The following KIF16B variants were observed in gnomAD, a reference collection of about 807,000 sequenced individuals.
KIF16B encodes kinesin family member 16B, also known as kinesin-like protein KIF16B.
A neutral mutation model predicts 156.3 loss-of-function variants in KIF16B; 98 were observed. The ratio of observed to expected loss-of-function variants is 0.63; its 90% CI spans 0.53 to 0.74. KIF16B has a LOEUF of 0.74. KIF16B is among the 30% of genes least tolerant of loss of function. The pLI is 0.00. For missense variants in KIF16B, 1,421 were observed against 1,606.5 expected (o/e 0.88, Z 1.97); for synonymous variants, 564 against 583.7 (o/e 0.97, Z 0.49).
intron 1 of KIF16B, among the ~76,000 whole-genome samples, chr20:16,540,239 A>G (rs2070141982): frequency 6.6e-6 from 1 of 152,218 alleles, no homozygotes; most frequent in South Asian, 2.1e-4. Flanking sequence ...CTAGATGCAC[A>G]AAACATTTCT....
At chr20:16,451,733 G>T (rs186526178) in intron 12 of KIF16B, among the ~76,000 whole-genome samples, 1 of 152,004 alleles carries the variant, frequency 6.6e-6, no homozygotes, top group Non-Finnish European at 1.5e-5. Flanking sequence ...TCCAATACAC[G>T]CTAAAGATTC....
chr20:16,306,541 C>T (rs148651375), intron 25 of KIF16B, among the ~76,000 whole-genome samples: 99 of 152,204 alleles, frequency 6.5e-4, no homozygotes, highest in African/African-American at 2.0e-3. Flanking sequence ...GCAAGAGTTC[C>T]GGTATCTTCC....
rs1025943325 is a variant in KIF16B at position 16,507,059 on chromosome 20, C to G, written c.700-869G>C. Among the ~76,000 whole-genome samples, 4 of 150,166 alleles carry G rather than the reference C, an allele frequency of 2.7e-5. No homozygotes were observed. In the East Asian group the frequency reaches 5.9e-4, roughly 22 times the overall value. On this transcript the variant is annotated intron_variant, in intron 7 of 25. Transcript: ENST00000354981. ...AGACTGCAGTGAGCCGTGATCACACCACTGCACTCCAGCCTGGGCAACAGA... is the reference window on the plus strand; with the variant it reads ...AGACTGCAGTGAGCCGTGATCACACGACTGCACTCCAGCCTGGGCAACAGA...
intron 15 of KIF16B, among the ~76,000 whole-genome samples, chr20:16,408,462 G>A (rs55808825): frequency 1.3e-5 from 2 of 152,112 alleles, no homozygotes; most frequent in Non-Finnish European, 2.9e-5. Flanking sequence ...AAGCAGCCAC[G>A]TCTAGGATGT....
At chr20:16,540,768 T>C (rs1437583768) in intron 1 of KIF16B, among the ~76,000 whole-genome samples, 2 of 152,192 alleles carry the variant, frequency 1.3e-5, no homozygotes, top group Non-Finnish European at 2.9e-5. Flanking sequence ...TCTTTTCCTC[T>C]TGTATTAGGT....
chr20:16,368,311 G>A (rs1034244637), intron 22 of KIF16B: 11 of 994,072 alleles, frequency 1.1e-5, no homozygotes, highest in South Asian at 9.1e-5. Flanking sequence ...GTAAGGCGCC[G>A]CACCCTCTGC....
chr20:16,377,412 AAAAT>A (rs377190523), intron 19 of KIF16B, among the ~76,000 whole-genome samples: 1 of 151,242 alleles, frequency 6.6e-6, no homozygotes, highest in African/African-American at 2.5e-5. Context: ...TAAAATACAT[AAAAT>A]AAATAAATAA....
intron 4 of KIF16B, among the ~76,000 whole-genome samples, chr20:16,514,237 A>C (rs1187996921): frequency 6.6e-6 from 1 of 152,104 alleles, no homozygotes; most frequent in African/African-American, 2.4e-5. Context: ...GAAAGGAGGA[A>C]GTGAGAAGTA....
Position 16,540,483 on chromosome 20 carries a change from C to T in KIF16B, c.48-12043G>A, listed in dbSNP as rs79578993. ...GCTCTAGAACAAGTCTACATCCTTA[C>T]GTGGCATGAAAGCAAAAGCTACTGA... is the stretch of plus-strand genomic sequence containing the variant. On this transcript the variant is annotated intron_variant, in intron 1 of 25. Transcript: ENST00000354981. 4.0e-3 allele frequency among the ~76,000 whole-genome samples: 609 copies of T among 152,306 alleles called. 9 individuals carry two copies. The East Asian group carries it at 0.062, about 16-fold the overall frequency.
intron 23 of KIF16B, among the ~76,000 whole-genome samples, chr20:16,354,685 C>T: frequency 6.6e-6 from 1 of 152,218 alleles, no homozygotes; most frequent in Non-Finnish European, 1.5e-5. Flanking sequence ...GTGGCTCATG[C>T]CTGTAATCCT....
intron 15 of KIF16B, among the ~76,000 whole-genome samples, chr20:16,407,615 T>A (rs1368241336): frequency 1.3e-5 from 2 of 152,074 alleles, no homozygotes; most frequent in Admixed American, 6.6e-5. Context: ...GAAAGGAGAA[T>A]GGCCTGCTAT....
rs2068952300 is a variant in KIF16B, at chr20:16,511,429, G to A, written c.545C>T (p.Pro182Leu). 2 of 1,588,856 alleles carry A rather than the reference G, an allele frequency of 1.3e-6. No homozygotes were observed. The highest frequency in any genetic ancestry group is 2.2e-5 in the East Asian group (1 of 44,708). The change falls in exon 6 of 26, where the codon CCT becomes CTT. Residue 182 changes from proline to leucine, a missense_variant. Physicochemically the swap from Pro to Leu is moderately conservative, Grantham distance 98. Coordinates refer to ENST00000354981, the MANE Select transcript of KIF16B (RefSeq NM_024704.5). ...LRVREHPKEGPYVEDLSKHLV... is the reference protein window; with the variant it reads ...LRVREHPKEGLYVEDLSKHLV... ...ATATCTACTCTTACCCTCAACATAAGGGCCTTCTTTGGGATGCTCACGGAC... is the reference window on the plus strand; with the variant it reads ...ATATCTACTCTTACCCTCAACATAAAGGCCTTCTTTGGGATGCTCACGGAC...
chr20:16,343,800 C>A (rs1164205936), intron 23 of KIF16B, among the ~76,000 whole-genome samples: 1 of 151,996 alleles, frequency 6.6e-6, no homozygotes, highest in Non-Finnish European at 1.5e-5. Context: ...GAGGAAGAGA[C>A]AAGATGCTCC....
intron 22 of KIF16B, among the ~76,000 whole-genome samples, chr20:16,365,593 TA>T (rs2064646407): frequency 6.6e-6 from 1 of 152,148 alleles, no homozygotes; most frequent in East Asian, 1.9e-4. Context: ...CAACACTAGG[TA>T]GAGGAAAATA....
chr20:16,452,250 C>A (rs1346413384), intron 12 of KIF16B, among the ~76,000 whole-genome samples: 1 of 152,112 alleles, frequency 6.6e-6, no homozygotes, highest in East Asian at 1.9e-4. Context: ...GCAAATTCAG[C>A]AGCAAAAGAA....
At chr20:16,403,150 C>T (rs920354471) in intron 17 of KIF16B, among the ~76,000 whole-genome samples, 1 of 152,168 alleles carries the variant, frequency 6.6e-6, no homozygotes, top group African/African-American at 2.4e-5. Context: ...TACCTGGATT[C>T]CAGGATTAAC....
intron 25 of KIF16B, among the ~76,000 whole-genome samples, 165 bp downstream of exon 25, chr20:16,312,170 A>G (rs2063628988): frequency 1.3e-5 from 2 of 152,236 alleles, no homozygotes; most frequent in South Asian, 4.1e-4. Context: ...ATTTTAAACA[A>G]GCTGATATCA....
rs74181913 is a variant in KIF16B at position 16,394,203 on chromosome 20, T to A, written c.1784+10610A>T. ...TATAAAATGGCTGAAGCAAAATGCA[T>A]CCCACCACTCAGACAATACAATCTG... On this transcript the variant is annotated intron_variant, in intron 17 of 25. Transcript: ENST00000354981. Among the ~76,000 whole-genome samples the A allele has an allele frequency of 2.5e-3, 385 of 152,250 alleles. 1 individual carries two copies. Among genetic ancestry groups the A allele is most frequent in the Non-Finnish European group, 3.6e-3 (247 of 68,002 alleles).
At chr20:16,504,142 A>AGTTAATCATTTCAGGTT (rs1389816778) in intron 10 of KIF16B, among the ~76,000 whole-genome samples, 1 of 152,214 alleles carries the variant, frequency 6.6e-6, no homozygotes, top group Non-Finnish European at 1.5e-5. Context: ...ACTATTAGAG[A>AGTTAATCATTTCAGGTT]GTTAATCATT....
Sources: allele counts gnomAD v4.1 joint callset (sites outside exome capture counted in the v4.1 genomes callset), GRCh38; gene constraint gnomAD v4.1.1; transcripts MANE v1.5; gene names NCBI Gene and HGNC (gene_info 2026-07-23, HGNC 2026-07-21).